The following GTF2IRD1 variants were observed in gnomAD, a reference collection of about 807,000 sequenced individuals.
GTF2IRD1 encodes GTF2I repeat domain containing 1.
GTF2IRD1 carries 26 observed loss-of-function variants against 113.2 expected under a neutral mutation model. The observed-to-expected ratio is 0.23, with a 90% CI of 0.17 to 0.32. The LOEUF is 0.32. Among genes scored for constraint, GTF2IRD1 ranks in the 10% least tolerant of loss-of-function variants. The pLI is 1.00. For synonymous variants in GTF2IRD1, 484 were observed against 529.1 expected (o/e 0.91, Z 1.17); for missense variants, 864 against 1,280.8 (o/e 0.67, Z 4.97).
At chr7:74,600,940 G>A (rs1802722935) in intron 25 of GTF2IRD1, 104 bp from the exon 26 acceptor site, 3 of 1,247,978 alleles carry the variant, frequency 2.4e-6, no homozygotes, top group South Asian at 2.7e-5. Flanking sequence ...ATCCTGAAAG[G>A]GGGACTCGAA....
intron 1 of GTF2IRD1, among the ~76,000 whole-genome samples, chr7:74,504,449 T>C (rs575971601): frequency 1.3e-5 from 2 of 152,260 alleles, no homozygotes; most frequent in African/African-American, 4.8e-5. Context: ...AATGTCGAGT[T>C]GGGCCCAGTT....
intron 22 of GTF2IRD1, among the ~76,000 whole-genome samples, chr7:74,561,748 C>A (rs1799978860): frequency 6.6e-6 from 1 of 151,958 alleles, no homozygotes; most frequent in South Asian, 2.1e-4. Flanking sequence ...GCCTTTCACA[C>A]ATATTTTGGG....
intron 1 of GTF2IRD1, among the ~76,000 whole-genome samples, chr7:74,498,041 G>A (rs972335414): frequency 1.3e-5 from 2 of 152,052 alleles, no homozygotes; most frequent in African/African-American, 2.4e-5. Context: ...TGGTGGGTGT[G>A]AGGTGGAGTT....
intron 5 of GTF2IRD1, among the ~76,000 whole-genome samples, chr7:74,518,688 T>A (rs1797096332): frequency 6.6e-6 from 1 of 152,022 alleles, no homozygotes; most frequent in African/African-American, 2.4e-5. Context: ...AAGACCAGCC[T>A]GGGCAACATA....
chr7:74,464,557 C>T (rs1793591831), intron 1 of GTF2IRD1, among the ~76,000 whole-genome samples: 1 of 152,132 alleles, frequency 6.6e-6, no homozygotes, highest in Non-Finnish European at 1.5e-5. Flanking sequence ...AGGCACTTCT[C>T]CCGCCTCAGC....
intron 1 of GTF2IRD1, among the ~76,000 whole-genome samples, chr7:74,472,912 G>C (rs1044968868): frequency 2.6e-5 from 4 of 152,178 alleles, no homozygotes; most frequent in Non-Finnish European, 4.4e-5. Context: ...CTGGTGGGAG[G>C]CTTTGCTGCA....
At position 74,547,272 on chromosome 7, in the gene GTF2IRD1, G is replaced by A. The variant is rs782746808; in HGVS notation, c.1902G>A (p.Gln634=). 13 of 1,610,304 alleles carry A rather than the reference G, an allele frequency of 8.1e-6. No individual in the cohort carries two copies. The Admixed American group carries it at 2.0e-4, about 25-fold the overall frequency. Residue 634 remains glutamine (Q), a synonymous_variant, in exon 17 of 27, where the codon CAG becomes CAA. Coordinates refer to ENST00000424337, the MANE Select transcript of GTF2IRD1 (RefSeq NM_005685.4). The part of the protein sequence containing the change: ...RKILEASNSI[Q]FVIKRPELLT... ...TTCTGGAGGCCAGCAACAGCATCCA[G>A]TTTGTCATCAAGAGGTAAGGCCCAA...
In GTF2IRD1 at chr7:74,521,193, C is replaced by T. The variant is rs1554345874; in HGVS notation, c.917-15C>T. 6 of 1,524,724 alleles carry T rather than the reference C, an allele frequency of 3.9e-6. No individual in the cohort carries two copies. The highest frequency in any genetic ancestry group is 5.5e-6 in the Non-Finnish European group (6 of 1,099,242). The allele number at this position is 1,524,724 out of a possible 1,614,324, so 94.4% of individuals were successfully genotyped here. On this transcript the variant is annotated splice_polypyrimidine_tract_variant and intron_variant, in intron 6 of 26. Transcript: ENST00000424337. ...GGTCCCACCTGGAACCTTCTTCCTTCTCTCCCTTGTCCAGGACAGAAGCCC... is the reference window on the plus strand; with the variant it reads ...GGTCCCACCTGGAACCTTCTTCCTTTTCTCCCTTGTCCAGGACAGAAGCCC...
rs891550297 is a variant in GTF2IRD1, at chr7:74,490,551, C to T, written c.-6-17524C>T. On this transcript the variant is annotated intron_variant, in intron 1 of 26. Coordinates refer to ENST00000424337, the MANE Select transcript of GTF2IRD1 (RefSeq NM_005685.4). ...GCTGGGGAGAAAGGATACCCCCCCC[C>T]CCGCCCGCCTTCCAGAAGGGGAGAA... is the stretch of plus-strand genomic sequence containing the variant. Among the ~76,000 whole-genome samples the T allele has an allele frequency of 7.9e-5, 12 of 151,594 alleles. No homozygotes were observed. The South Asian group carries it at 1.5e-3, about 19-fold the overall frequency.
At chr7:74,557,194 G>T (rs782282468) in intron 19 of GTF2IRD1, among the ~76,000 whole-genome samples, 1 of 152,172 alleles carries the variant, frequency 6.6e-6, no homozygotes, top group Non-Finnish European at 1.5e-5. Context: ...TCCATTGGGA[G>T]CCGCCAGGCC....
intron 1 of GTF2IRD1, among the ~76,000 whole-genome samples, chr7:74,474,450 G>A (rs1554333135): frequency 6.6e-6 from 1 of 152,172 alleles, no homozygotes; most frequent in African/African-American, 2.4e-5. Context: ...ATATTTGTGT[G>A]TGAATCACTC....
chr7:74,584,700 T>C (rs1319509384), intron 22 of GTF2IRD1, among the ~76,000 whole-genome samples: 3 of 152,180 alleles, frequency 2.0e-5, no homozygotes, highest in Non-Finnish European at 4.4e-5. Flanking sequence ...GCCATCTGTT[T>C]AGGAACAAAA....
At chr7:74,496,070 ACATGCATGTGAGTTTG>A (rs1795646613) in intron 1 of GTF2IRD1, among the ~76,000 whole-genome samples, 1 of 151,454 alleles carries the variant, frequency 6.6e-6, no homozygotes. Flanking sequence ...GTATGTGTGG[ACATGCATGTGAGTTTG>A]CATGCATGTG....
intron 22 of GTF2IRD1, among the ~76,000 whole-genome samples, chr7:74,560,567 TA>T (rs1219824206): frequency 2.4e-4 from 36 of 147,254 alleles, no homozygotes; most frequent in Admixed American, 4.8e-4. Flanking sequence ...ATATATATAA[TA>T]AAAAATATTA....
intron 3 of GTF2IRD1, among the ~76,000 whole-genome samples, chr7:74,514,947 C>T (rs916780746): frequency 2.0e-5 from 3 of 150,980 alleles, no homozygotes; most frequent in Non-Finnish European, 4.4e-5. Context: ...ATCCCAGCTA[C>T]TCGGGAGGCT....
intron 22 of GTF2IRD1, among the ~76,000 whole-genome samples, chr7:74,583,695 C>CGT (rs1401881320): frequency 2.0e-5 from 3 of 152,102 alleles, no homozygotes; most frequent in Non-Finnish European, 4.4e-5. Context: ...TCGACTGCCC[C>CGT]GTAGTGTCAC....
chr7:74,577,268 G>A (rs1801130608), intron 22 of GTF2IRD1, among the ~76,000 whole-genome samples: 2 of 152,016 alleles, frequency 1.3e-5, no homozygotes, highest in African/African-American at 4.8e-5. Flanking sequence ...TGAACTCCTG[G>A]CCTCAAGCGA....
chr7:74,577,333 C>G (rs1194260474), intron 22 of GTF2IRD1, among the ~76,000 whole-genome samples: 1 of 152,176 alleles, frequency 6.6e-6, no homozygotes, highest in Non-Finnish European at 1.5e-5. Flanking sequence ...GCCACCGCGC[C>G]CAGCTGGGTT....
intron 17 of GTF2IRD1, among the ~76,000 whole-genome samples, chr7:74,551,907 G>A (rs1281355113): frequency 2.0e-5 from 3 of 152,152 alleles, no homozygotes; most frequent in African/African-American, 7.2e-5. Flanking sequence ...TTGCACTTCA[G>A]CCTGGGTGAC....
Sources: allele counts gnomAD v4.1 joint callset (sites outside exome capture counted in the v4.1 genomes callset), GRCh38; gene constraint gnomAD v4.1.1; transcripts MANE v1.5; gene names NCBI Gene and HGNC (gene_info 2026-07-23, HGNC 2026-07-21).